RBMS2: variants seen among roughly 807,000 people sequenced by gnomAD.
RBMS2 encodes RNA binding motif single stranded interacting protein 2, also known as RNA-binding motif, single-stranded-interacting protein 2.
Under a neutral mutation model 58.4 loss-of-function variants are expected in RBMS2, and 38 were observed. The observed-to-expected ratio is 0.65, with a 90% CI of 0.50 to 0.85. The LOEUF is 0.85. RBMS2 is among the 40% of genes least tolerant of loss of function. RBMS2 has a pLI of 0.00. For missense variants in RBMS2, 367 were observed against 503.7 expected, an observed-to-expected ratio of 0.73 and a Z score of 2.60; for synonymous variants, 151 against 180.7, an observed-to-expected ratio of 0.84 and a Z score of 1.32.
Position 56,582,125 on chromosome 12 carries a change from C to T in RBMS2, c.846C>T (p.Tyr282=), listed in dbSNP as rs1884044889. The change falls in exon 9 of 14, where the codon TAC becomes TAT. Residue 282 remains tyrosine (Y), a synonymous_variant. Coordinates refer to ENST00000262031, the MANE Select transcript of RBMS2 (RefSeq NM_002898.4). ...RMLAQSALSP[Y]LSSPVSSYQR... ...TTGCTCAGTCTGCACTCTCCCCATA[C>T]CTTTCCTCTCCTGTGTCTTCGTATC... 2 of 1,610,852 alleles carry T rather than the reference C, an allele frequency of 1.2e-6. No individual in the cohort carries two copies. Among genetic ancestry groups the T allele is most frequent in the Non-Finnish European group, 1.7e-6 (2 of 1,177,152 alleles).
chr12:56,570,100 G>T (rs1882039193), intron 4 of RBMS2, 110 bp downstream of exon 4: 2 of 940,908 alleles, frequency 2.1e-6, no homozygotes, highest in Admixed American at 4.8e-5. Flanking sequence ...AGTGGGCAAG[G>T]GCTATCCGTG....
chr12:56,579,844 C>T (rs1269238821), intron 5 of RBMS2, among the ~76,000 whole-genome samples: 1 of 152,132 alleles, frequency 6.6e-6, no homozygotes, highest in Admixed American at 6.6e-5. Flanking sequence ...CTTTGATCTA[C>T]ACAACACCAT....
chr12:56,562,497 A>G lies in RBMS2; in HGVS notation c.147A>G (p.Gly49=), dbSNP rs1880604322. The G allele has an allele frequency of 6.2e-7, 1 of 1,607,608 alleles. No homozygotes were observed. The highest frequency in any genetic ancestry group is 1.7e-5 in the Admixed American group (1 of 59,978). The part of the protein sequence containing the change: ...STPNSSSGSN[G]NDQLSKTNLY... The stretch of plus-strand genomic sequence containing the variant: ...CTAACAGCAGTAGTGGAAGCAATGG[A>G]AATGACCAGCTGAGCAAAACCAACC... The change falls in exon 2 of 14, where the codon GGA becomes GGG. Residue 49 remains glycine, a synonymous_variant. Transcript: ENST00000262031.
chr12:56,558,560 C>A (rs996992160), intron 1 of RBMS2, among the ~76,000 whole-genome samples: 5 of 107,058 alleles, frequency 4.7e-5, no homozygotes, highest in African/African-American at 1.6e-4. Context: ...TCCCTCCCTT[C>A]CTTCCTTCTT....
At chr12:56,546,331 A>G (rs1182953187) in intron 1 of RBMS2, among the ~76,000 whole-genome samples, 10 of 145,980 alleles carry the variant, frequency 6.9e-5, no homozygotes, top group African/African-American at 2.3e-4. Context: ...AAATAATAAT[A>G]CATTATAATA....
At chr12:56,575,520 T>C (rs1882982155) in intron 5 of RBMS2, among the ~76,000 whole-genome samples, 1 of 151,490 alleles carries the variant, frequency 6.6e-6, no homozygotes. Context: ...TATGGGCCCA[T>C]AGGACCCCCA....
chr12:56,581,517 A>T lies in RBMS2; in HGVS notation c.732+9A>T, dbSNP rs2136552711. 6.2e-7 allele frequency: 1 copy of T among 1,606,390 alleles called. No homozygotes were observed. The highest frequency in any genetic ancestry group is 1.3e-5 in the African/African-American group (1 of 74,884). Reference sequence around the variant, plus strand: ...CAAGGAATGCAGACATGGTAAGAGGACCTCTGAGGAGACAGGAGTACTAAC... The same window carrying T: ...CAAGGAATGCAGACATGGTAAGAGGTCCTCTGAGGAGACAGGAGTACTAAC... On this transcript the variant is annotated intron_variant, in intron 7 of 13. Transcript: ENST00000262031.
In RBMS2 at chr12:56,571,673, C is replaced by T. The variant is rs779236887; in HGVS notation, c.385-25C>T. Reference sequence around the variant, plus strand: ...GGAGAGGGATAAGAGATGTGAGCCTCATTTTCTCACTGTTATTTCCACAGC... The same window carrying T: ...GGAGAGGGATAAGAGATGTGAGCCTTATTTTCTCACTGTTATTTCCACAGC... On this transcript the variant is annotated intron_variant, in intron 4 of 13. Coordinates refer to ENST00000262031, the MANE Select transcript of RBMS2 (RefSeq NM_002898.4). The T allele has an allele frequency of 2.0e-6, 3 of 1,500,170 alleles. No individual in the cohort carries two copies. The Admixed American group carries it at 6.5e-5, about 32-fold the overall frequency. 92.9% of individuals were successfully genotyped at this position (1,500,170 alleles called of 1,614,324 possible).
chr12:56,582,514 A>G (rs886858936), intron 9 of RBMS2, among the ~76,000 whole-genome samples: 23 of 152,200 alleles, frequency 1.5e-4, no homozygotes, highest in Non-Finnish European at 5.9e-5. Flanking sequence ...ATCTCACTTA[A>G]CAGTATCCTA....
chr12:56,554,748 A>C (rs1055115936), intron 1 of RBMS2, among the ~76,000 whole-genome samples: 2 of 152,202 alleles, frequency 1.3e-5, no homozygotes, highest in Non-Finnish European at 2.9e-5. Flanking sequence ...TGTTTTAAAT[A>C]AATAAATAAA....
intron 2 of RBMS2, among the ~76,000 whole-genome samples, chr12:56,562,940 G>A (rs2136424158): frequency 6.6e-6 from 1 of 152,266 alleles, no homozygotes; most frequent in Non-Finnish European, 1.5e-5. Context: ...GGCTAACATG[G>A]TGAAACCCCG....
chr12:56,587,857 C>A, intron 11 of RBMS2, 193 bp downstream of exon 11: 1 of 453,748 alleles, frequency 2.2e-6, no homozygotes, highest in Non-Finnish European at 2.9e-6. Flanking sequence ...CTCCCCAGCC[C>A]ACCCCTTTTA....
At chr12:56,550,654 C>T (rs1380126609) in intron 1 of RBMS2, among the ~76,000 whole-genome samples, 1 of 151,828 alleles carries the variant, frequency 6.6e-6, no homozygotes, top group African/African-American at 2.4e-5. Context: ...GCAGCCTGGC[C>T]AACATGATGA....
chr12:56,531,377 A>G (rs987288199), intron 1 of RBMS2, among the ~76,000 whole-genome samples: 2 of 152,192 alleles, frequency 1.3e-5, no homozygotes, highest in Non-Finnish European at 2.9e-5. Context: ...ATTATGTTCT[A>G]TACAAACCCT....
chr12:56,558,090 G>A (rs1288840658), intron 1 of RBMS2, among the ~76,000 whole-genome samples: 1 of 121,042 alleles, frequency 8.3e-6, no homozygotes, highest in African/African-American at 3.2e-5. Flanking sequence ...TGTCGCCCAG[G>A]CTGGAGTGCA....
At chr12:56,561,772 T>G (rs951501025) in intron 1 of RBMS2, among the ~76,000 whole-genome samples, 1 of 137,550 alleles carries the variant, frequency 7.3e-6, no homozygotes, top group African/African-American at 2.8e-5. Context: ...CCCCCCTCCT[T>G]GGCCTCCCAA....
intron 1 of RBMS2, among the ~76,000 whole-genome samples, chr12:56,526,901 T>A (rs957439042): frequency 6.6e-6 from 1 of 152,162 alleles, no homozygotes; most frequent in Non-Finnish European, 1.5e-5. Context: ...AACAACCATT[T>A]CCTTTGGAAA....
intron 5 of RBMS2, among the ~76,000 whole-genome samples, chr12:56,573,536 A>C (rs932620082): frequency 1.3e-5 from 2 of 149,898 alleles, no homozygotes; most frequent in South Asian, 2.1e-4. Flanking sequence ...CCTCTTCCCC[A>C]GCTGACTCAA....
intron 1 of RBMS2, among the ~76,000 whole-genome samples, chr12:56,547,123 G>A (rs945490429): frequency 6.6e-5 from 10 of 152,060 alleles, no homozygotes; most frequent in Non-Finnish European, 1.2e-4. Context: ...GCCAAGGCGG[G>A]TGGCATCATT....
Sources: gnomAD v4.1 joint callset for allele counts (sites outside exome capture counted in the v4.1 genomes callset) on GRCh38, gnomAD v4.1.1 for gene constraint, MANE v1.5 for transcripts, NCBI Gene and HGNC (gene_info 2026-07-23, HGNC 2026-07-21) for gene names.